Variants in RBMS3 observed in about 807,000 individuals in gnomAD.
The protein encoded by RBMS3 is RNA binding motif single stranded interacting protein 3.
A neutral mutation model predicts 66.8 loss-of-function variants in RBMS3; 27 were observed. The ratio of observed to expected loss-of-function variants is 0.40; its 90% CI spans 0.30 to 0.56. RBMS3 has a LOEUF of 0.56. Ranked by LOEUF, RBMS3 falls within the 20% of genes least tolerant of loss-of-function variation. The pLI is 0.40. For synonymous variants in RBMS3, 188 were observed against 183.0 expected (o/e 1.03, Z -0.22); for missense variants, 513 against 549.5 (o/e 0.93, Z 0.66).
intron 10 of RBMS3, among the ~76,000 whole-genome samples, chr3:29,915,460 T>C (rs1185455227): frequency 6.6e-6 from 1 of 152,082 alleles, no homozygotes; most frequent in East Asian, 1.9e-4. Flanking sequence ...ATGTTATACA[T>C]GCTTTTTGTT....
At chr3:29,924,400 T>TC (rs2060875477) in intron 10 of RBMS3, among the ~76,000 whole-genome samples, 1 of 152,182 alleles carries the variant, frequency 6.6e-6, no homozygotes, top group African/African-American at 2.4e-5. Flanking sequence ...TTCTTTTTTT[T>TC]CAATTCTACA....
chr3:29,564,364 T>G (rs2046666608), intron 3 of RBMS3, among the ~76,000 whole-genome samples: 1 of 151,892 alleles, frequency 6.6e-6, no homozygotes, highest in Non-Finnish European at 1.5e-5. Context: ...TGGGCACCTG[T>G]AATCCCAGCT....
chr3:29,707,557 C>A (rs1256939093), intron 4 of RBMS3, among the ~76,000 whole-genome samples: 1 of 152,134 alleles, frequency 6.6e-6, no homozygotes, highest in African/African-American at 2.4e-5. Context: ...GAAAAACCAC[C>A]AAATAATTCT....
intron 4 of RBMS3, among the ~76,000 whole-genome samples, chr3:29,671,779 T>A (rs1474063930): frequency 3.3e-5 from 5 of 152,200 alleles, no homozygotes; most frequent in African/African-American, 1.2e-4. Flanking sequence ...AATATGGTAC[T>A]ATGTGAAGAG....
intron 1 of RBMS3, among the ~76,000 whole-genome samples, chr3:29,395,405 C>T (rs949014607): frequency 1.3e-5 from 2 of 152,116 alleles, no homozygotes; most frequent in African/African-American, 4.8e-5. Flanking sequence ...ATAAGAAATA[C>T]TTAGGGTCAA....
intron 10 of RBMS3, among the ~76,000 whole-genome samples, chr3:29,917,795 T>C (rs1290161950): frequency 6.6e-6 from 1 of 152,064 alleles, no homozygotes; most frequent in East Asian, 1.9e-4. Context: ...GTGTGCAATA[T>C]TTTTCCTATT....
chr3:29,986,815 C>G (rs769090269), intron 12 of RBMS3, among the ~76,000 whole-genome samples: 2 of 152,094 alleles, frequency 1.3e-5, no homozygotes, highest in African/African-American at 2.4e-5. Context: ...TGGTGGCACA[C>G]ACCTGTACTC....
intron 12 of RBMS3, among the ~76,000 whole-genome samples, chr3:29,983,166 CTTCT>C (rs1243913556): frequency 6.6e-6 from 1 of 151,382 alleles, no homozygotes; most frequent in African/African-American, 2.4e-5. Flanking sequence ...ATGTAATGCC[CTTCT>C]TTGTCTTTTT....
Position 29,915,971 on chromosome 3 carries a change from C to T in RBMS3, c.939+16216C>T, listed in dbSNP as rs188008934. Among the ~76,000 whole-genome samples the T allele has an allele frequency of 4.6e-5, 7 of 152,114 alleles. No homozygotes were observed. The East Asian group carries it at 1.2e-3, about 25-fold the overall frequency. ...AAGATTCAGCAAGGCAGCTCTGTTACTGCAATCACCCTTGCTTATGAAGTT... is the reference window on the plus strand; with the variant it reads ...AAGATTCAGCAAGGCAGCTCTGTTATTGCAATCACCCTTGCTTATGAAGTT... On this transcript the variant is annotated intron_variant, in intron 10 of 14. Transcript: ENST00000383767.
At chr3:29,483,094 T>C (rs1278973875) in intron 2 of RBMS3, among the ~76,000 whole-genome samples, 42 of 151,350 alleles carry the variant, frequency 2.8e-4, no homozygotes, top group Admixed American at 2.8e-3. Context: ...GTTCCCTTAG[T>C]CGAGATCGAG....
chr3:29,849,430 C>T (rs1426241399), intron 6 of RBMS3, among the ~76,000 whole-genome samples: 1 of 151,180 alleles, frequency 6.6e-6, no homozygotes, highest in African/African-American at 2.4e-5. Flanking sequence ...AGGAGAATTG[C>T]TTGAACTTGG....
chr3:29,670,594 G>A (rs1665764065), intron 4 of RBMS3, among the ~76,000 whole-genome samples: 1 of 152,236 alleles, frequency 6.6e-6, no homozygotes, highest in Non-Finnish European at 1.5e-5. Context: ...TGGCACACCA[G>A]GAGATTATAT....
chr3:29,543,583 G>C (rs1054432341), intron 3 of RBMS3, among the ~76,000 whole-genome samples: 2 of 152,118 alleles, frequency 1.3e-5, no homozygotes, highest in Admixed American at 6.5e-5. Flanking sequence ...GGTGGCGCAA[G>C]TCTGTAATCG....
At chr3:29,523,448 T>C (rs1165067891) in intron 3 of RBMS3, among the ~76,000 whole-genome samples, 2 of 152,280 alleles carry the variant, frequency 1.3e-5, no homozygotes, top group South Asian at 2.1e-4. Flanking sequence ...ATTTTTATAC[T>C]TTTTCACCTT....
chr3:29,936,437 A>G (rs972787184), intron 11 of RBMS3, among the ~76,000 whole-genome samples: 2 of 152,072 alleles, frequency 1.3e-5, no homozygotes, highest in African/African-American at 4.8e-5. Flanking sequence ...TTTTTATGGT[A>G]CAATGTACCA....
At chr3:29,297,418 A>G (rs929649556) in intron 1 of RBMS3, among the ~76,000 whole-genome samples, 6 of 151,864 alleles carry the variant, frequency 4.0e-5, no homozygotes, top group Admixed American at 2.6e-4. Flanking sequence ...TGATACGTGA[A>G]TATAATGGAG....
chr3:29,340,722 G>C (rs1365979682), intron 1 of RBMS3, among the ~76,000 whole-genome samples: 1 of 152,132 alleles, frequency 6.6e-6, no homozygotes, highest in East Asian at 1.9e-4. Flanking sequence ...CTTTTTAGGA[G>C]ATGTCAAATA....
intron 1 of RBMS3, among the ~76,000 whole-genome samples, chr3:29,371,682 CA>C (rs2038211494): frequency 6.6e-6 from 1 of 152,100 alleles, no homozygotes; most frequent in Admixed American, 6.5e-5. Context: ...GCACATGTAA[CA>C]TAAGTAATTT....
At chr3:29,620,744 T>A (rs2048837511) in intron 4 of RBMS3, among the ~76,000 whole-genome samples, 1 of 152,024 alleles carries the variant, frequency 6.6e-6, no homozygotes, top group Non-Finnish European at 1.5e-5. Flanking sequence ...TTCCTTAGAG[T>A]TGTTTGTTTA....
Sources: allele counts gnomAD v4.1 joint callset (sites outside exome capture counted in the v4.1 genomes callset), GRCh38; gene constraint gnomAD v4.1.1; transcripts MANE v1.5; gene names NCBI Gene and HGNC (gene_info 2026-07-23, HGNC 2026-07-21).